Variants in TSHR observed in about 807,000 individuals in gnomAD.
The protein encoded by TSHR is thyroid stimulating hormone receptor.
Under a neutral mutation model 64.1 loss-of-function variants are expected in TSHR, and 51 were observed. The ratio of observed to expected loss-of-function variants is 0.80; its 90% CI spans 0.64 to 1.01. The LOEUF (loss-of-function observed/expected upper bound fraction) is 1.01, where lower values mean the gene tolerates loss of function less well. TSHR is among the 50% of genes least tolerant of loss of function. TSHR has a pLI of 0.00. For synonymous variants in TSHR, 361 were observed against 361.9 expected, an observed-to-expected ratio of 1.00 and a Z score of 0.03; for missense variants, 877 against 942.8, an observed-to-expected ratio of 0.93 and a Z score of 0.91.
At chr14:81,141,103 G>T (rs527726934) in intron 9 of TSHR, among the ~76,000 whole-genome samples, 35 of 152,258 alleles carry the variant, frequency 2.3e-4, no homozygotes, top group African/African-American at 8.2e-4. Flanking sequence ...TCCAGCCTGG[G>T]CAACAAAGCA....
At chr14:81,065,334 C>A (rs1156830047) in intron 2 of TSHR, among the ~76,000 whole-genome samples, 2 of 152,104 alleles carry the variant, frequency 1.3e-5, no homozygotes, top group Non-Finnish European at 2.9e-5. Context: ...AACTAATAGG[C>A]TTATTGGTGG....
chr14:81,058,552 C>A (rs1885988035), intron 1 of TSHR, among the ~76,000 whole-genome samples: 1 of 151,940 alleles, frequency 6.6e-6, no homozygotes, highest in Non-Finnish European at 1.5e-5. Context: ...AGGTTTTTTT[C>A]TCATATTTTA....
At chr14:81,084,011 G>A (rs1212363316) in intron 3 of TSHR, among the ~76,000 whole-genome samples, 1 of 152,080 alleles carries the variant, frequency 6.6e-6, no homozygotes, top group African/African-American at 2.4e-5. Context: ...CTCCCGCGAG[G>A]TCCCTCCCCC....
At chr14:80,959,013 A>G (rs1331911065) in intron 1 of TSHR, among the ~76,000 whole-genome samples, 1 of 152,226 alleles carries the variant, frequency 6.6e-6, no homozygotes, top group Non-Finnish European at 1.5e-5. Context: ...TCTAAACTTT[A>G]TCTTCTACTC....
intron 1 of TSHR, among the ~76,000 whole-genome samples, chr14:81,061,244 G>A (rs1028973824): frequency 5.3e-5 from 8 of 152,088 alleles, no homozygotes; most frequent in African/African-American, 1.9e-4. Flanking sequence ...TGTACTTAAT[G>A]TATATTCTGA....
At chr14:81,047,341 TC>T (rs1253943672) in intron 1 of TSHR, among the ~76,000 whole-genome samples, 3 of 151,856 alleles carry the variant, frequency 2.0e-5, no homozygotes, top group Non-Finnish European at 4.4e-5. Context: ...CACACACCCC[TC>T]CCCCAAAATG....
chr14:81,064,159 G>A (rs923043464), intron 2 of TSHR, among the ~76,000 whole-genome samples: 2 of 152,054 alleles, frequency 1.3e-5, no homozygotes, highest in Admixed American at 6.6e-5. Flanking sequence ...TGGAGTGAGG[G>A]GTGGAAGTGG....
chr14:80,991,741 A>T, intron 1 of TSHR: 1 of 392,520 alleles, frequency 2.5e-6, no homozygotes, highest in Non-Finnish European at 4.5e-6. Flanking sequence ...TCAAACTTGG[A>T]AAGGTGTCCT....
In TSHR at chr14:80,955,648, A is replaced by G. The variant is rs142972704; in HGVS notation, c.-33A>G. 8.5e-4 allele frequency: 1,374 copies of G among 1,612,654 alleles called. 9 individuals carry two copies. The African/African-American group carries it at 0.013, about 15-fold the overall frequency. On this transcript the variant is annotated 5_prime_UTR_variant, in exon 1 of 10. Transcript: ENST00000298171. ...AGAGCTGAGAATGAGGCGATTTCGG[A>G]GGATGGAGAAATAGCCCCGAGTCCC...
At chr14:81,105,924 A>G (rs1889861752) in intron 7 of TSHR, among the ~76,000 whole-genome samples, 2 of 152,186 alleles carry the variant, frequency 1.3e-5, no homozygotes, top group South Asian at 4.1e-4. Flanking sequence ...TCTTTTTACA[A>G]AATCATGCTG....
At chr14:80,973,549 T>C (rs911741528) in intron 1 of TSHR, among the ~76,000 whole-genome samples, 1 of 152,124 alleles carries the variant, frequency 6.6e-6, no homozygotes, top group Admixed American at 6.5e-5. Flanking sequence ...AGGAACACTA[T>C]GCATTTATCC....
At chr14:81,119,177 T>A (rs1468076007) in intron 8 of TSHR, among the ~76,000 whole-genome samples, 17 of 142,220 alleles carry the variant, frequency 1.2e-4, no homozygotes, top group African/African-American at 4.3e-4. Flanking sequence ...AATTGACAAA[T>A]GGGATCTAAT....
rs1595118797 is a variant in TSHR at position 81,103,283 on chromosome 14, G to A, written c.615-5092G>A. ...ACTAAGGCAAACACATCAATCTCCT[G>A]TAATTATCTTAATAGTGTTCAAGGA... On this transcript the variant is annotated intron_variant, in intron 7 of 9. Coordinates refer to ENST00000298171, the MANE Select transcript of TSHR (RefSeq NM_000369.5). The surrounding 1 kb of genome is among the most constrained non-coding windows in gnomAD (Gnocchi z 4.1). 1.0e-6 allele frequency: 1 copy of A among 985,412 alleles called. No individual in the cohort carries two copies. The highest frequency in any genetic ancestry group is 1.2e-6 in the Non-Finnish European group (1 of 829,920). The allele number at this position is 985,412 out of a possible 1,614,324, so 61.0% of individuals were successfully genotyped here.
intron 8 of TSHR, among the ~76,000 whole-genome samples, chr14:81,121,839 G>A (rs1890806132): frequency 6.6e-6 from 1 of 151,324 alleles, no homozygotes; most frequent in Non-Finnish European, 1.5e-5. Context: ...CTACTTGGGA[G>A]GCTGAGGTAG....
intron 1 of TSHR, among the ~76,000 whole-genome samples, chr14:80,990,173 G>C (rs1292425246): frequency 6.6e-6 from 1 of 152,246 alleles, no homozygotes; most frequent in Non-Finnish European, 1.5e-5. Flanking sequence ...TTGCTGATGT[G>C]AGAGTAAGGA....
At chr14:81,073,265 G>C (rs1887251953) in intron 3 of TSHR, among the ~76,000 whole-genome samples, 3 of 151,294 alleles carry the variant, frequency 2.0e-5, no homozygotes, top group South Asian at 2.1e-4. Context: ...ATCATACTGA[G>C]AGCTTATTTT....
At chr14:81,092,441 C>G in intron 5 of TSHR, 90 bp from the exon 6 acceptor site, 1 of 1,121,402 alleles carries the variant, frequency 8.9e-7, no homozygotes, top group South Asian at 1.2e-5. Context: ...TATATTGTGT[C>G]CTGTTATTTA....
In TSHR at chr14:80,958,657, A is replaced by G. The variant is rs375024692; in HGVS notation, c.170+2807A>G. Among the ~76,000 whole-genome samples, 152 of 152,164 alleles carry G rather than the reference A, an allele frequency of 1.0e-3. 2 individuals are homozygous for G. The South Asian group carries it at 0.03, about 30-fold the overall frequency. On this transcript the variant is annotated intron_variant, in intron 1 of 9. Coordinates refer to ENST00000298171, the MANE Select transcript of TSHR (RefSeq NM_000369.5). ...AGTCTTTCTTGACAAGAAAATCTAG[A>G]TCTTTTTTTACATCTTTCTAGACAA... is the stretch of plus-strand genomic sequence containing the variant.
chr14:81,080,298 G>A (rs995161972), intron 3 of TSHR, among the ~76,000 whole-genome samples: 1 of 152,042 alleles, frequency 6.6e-6, no homozygotes, highest in Non-Finnish European at 1.5e-5. Flanking sequence ...TTTACAACTG[G>A]GATAGGTGAA....
Sources: gnomAD v4.1 joint callset for allele counts (sites outside exome capture counted in the v4.1 genomes callset) on GRCh38, gnomAD v4.1.1 for gene constraint, Gnocchi (gnomAD v3.1) non-coding constraint, MANE v1.5 for transcripts, NCBI Gene and HGNC (gene_info 2026-07-23, HGNC 2026-07-21) for gene names.